ZNF2: variants seen among roughly 807,000 people sequenced by gnomAD.
ZNF2 encodes zinc finger protein 2.2.
Under a neutral mutation model 21.9 loss-of-function variants are expected in ZNF2, and 12 were observed. That is an observed-to-expected ratio of 0.55 (90% CI 0.35 to 0.89). The LOEUF (loss-of-function observed/expected upper bound fraction) is 0.89. Ranked by LOEUF, ZNF2 falls within the 40% of genes least tolerant of loss-of-function variation. The probability of loss-of-function intolerance (pLI) is 0.01; values close to 1 mark genes in which losing one functional copy is unlikely to be tolerated. For synonymous variants in ZNF2, 186 were observed against 196.3 expected (o/e 0.95, Z 0.44); for missense variants, 462 against 544.2 (o/e 0.85, Z 1.50).
rs1674723528 is a variant in ZNF2 at position 95,182,792 on chromosome 2, C to T, written c.*686C>T. Reference sequence around the variant, plus strand: ...GTGATGCCAGGTCTTGAAGACAGGTCCACCTTCAAAATCTATTCTCTTTAC... The same window carrying T: ...GTGATGCCAGGTCTTGAAGACAGGTTCACCTTCAAAATCTATTCTCTTTAC... On this transcript the variant is annotated 3_prime_UTR_variant, in exon 5 of 5. Coordinates refer to ENST00000614034, the MANE Select transcript of ZNF2 (RefSeq NM_021088.4). 1 of 152,560 alleles carries T rather than the reference C, an allele frequency of 6.6e-6. No individual in the cohort carries two copies. The highest frequency in any genetic ancestry group is 1.5e-5 in the Non-Finnish European group (1 of 68,026). 9.5% of individuals were successfully genotyped at this position (152,560 alleles called of 1,614,324 possible).
In ZNF2 at chr2:95,181,604, G is replaced by A. The variant is rs1257705602; in HGVS notation, c.776G>A (p.Cys259Tyr). Residue 259 changes from cysteine (C) to tyrosine (Y), a missense_variant, in exon 5 of 5, where the codon TGC becomes TAC. Transcript: ENST00000614034. ...RIHTGEKPFQCNECGKAFFDR... is the reference protein window; with the variant it reads ...RIHTGEKPFQYNECGKAFFDR... Reference sequence around the variant, plus strand: ...CACACTGGAGAGAAACCCTTTCAGTGCAACGAGTGTGGAAAAGCCTTTTTT... The same window carrying A: ...CACACTGGAGAGAAACCCTTTCAGTACAACGAGTGTGGAAAAGCCTTTTTT... 6.2e-7 allele frequency: 1 copy of A among 1,614,232 alleles called. No individual in the cohort carries two copies.
intron 1 of ZNF2, among the ~76,000 whole-genome samples, chr2:95,168,815 C>T (rs72819465): frequency 0.012 from 1,871 of 152,282 alleles, 19 homozygotes; most frequent in Non-Finnish European, 0.021. Flanking sequence ...TGCTTTCTAC[C>T]ATATAACCCT....
intron 1 of ZNF2, among the ~76,000 whole-genome samples, chr2:95,171,028 T>A (rs1674249516): frequency 6.6e-6 from 1 of 152,254 alleles, no homozygotes; most frequent in Non-Finnish European, 1.5e-5. Context: ...AAACATTGCC[T>A]TCCTTGTATT....
chr2:95,174,710 C>A (rs1674384627), intron 1 of ZNF2, among the ~76,000 whole-genome samples: 1 of 152,196 alleles, frequency 6.6e-6, no homozygotes, highest in South Asian at 2.1e-4. Flanking sequence ...CTGTGCATAT[C>A]GCTTTGCTGC....
chr2:95,177,740 G>C (rs1674497495), intron 3 of ZNF2, 131 bp downstream of exon 3: 2 of 1,230,712 alleles, frequency 1.6e-6, no homozygotes, highest in Non-Finnish European at 2.2e-6. Flanking sequence ...AGAGTCGAAA[G>C]ATGTGGCATC....
intron 1 of ZNF2, among the ~76,000 whole-genome samples, chr2:95,174,468 C>G (rs946601826): frequency 2.6e-5 from 4 of 152,304 alleles, no homozygotes; most frequent in African/African-American, 9.6e-5. Flanking sequence ...TGCTCACAGC[C>G]TAGACTTCTA....
rs760298242 is a variant in ZNF2 at position 95,181,301 on chromosome 2, G to A, written c.473G>A (p.Arg158Gln). ...CTCTCCCGGGACAAAGGCTTGCGGCGACGGTCAGCCCTGTCCAGGGAAATT... is the reference window on the plus strand; with the variant it reads ...CTCTCCCGGGACAAAGGCTTGCGGCAACGGTCAGCCCTGTCCAGGGAAATT... ...KSLSRDKGLR[R>Q]RSALSREILT... is the part of the protein sequence containing the mutation. The change falls in exon 5 of 5, where the codon CGA becomes CAA. Residue 158 changes from arginine (R) to glutamine (Q), a missense_variant. By Grantham distance (43) the Arg-to-Gln change is conservative. Transcript: ENST00000614034. The A allele has an allele frequency of 6.2e-6, 10 of 1,614,206 alleles. No homozygotes were observed. Among genetic ancestry groups the A allele is most frequent in the Middle Eastern group, 1.6e-4 (1 of 6,062 alleles).
chr2:95,177,530 G>A lies in ZNF2; in HGVS notation c.81G>A (p.Glu27=), dbSNP rs1219493406. ...TTGCCGTGGTTTTCACAGATGAAGA[G>A]TGGAGTCGTCTGGTCCCCATACAGA... ...EDVAVVFTDE[E]WSRLVPIQRD... The change falls in exon 3 of 5, where the codon GAG becomes GAA. Residue 27 remains glutamate (E), a synonymous_variant. Coordinates refer to ENST00000614034, the MANE Select transcript of ZNF2 (RefSeq NM_021088.4). 26 of 1,614,056 alleles carry A rather than the reference G, an allele frequency of 1.6e-5. No homozygotes were observed. The highest frequency in any genetic ancestry group is 2.2e-5 in the Non-Finnish European group (26 of 1,180,030).
At chr2:95,171,030 C>T (rs1429922044) in intron 1 of ZNF2, among the ~76,000 whole-genome samples, 1 of 152,190 alleles carries the variant, frequency 6.6e-6, no homozygotes. Flanking sequence ...ACATTGCCTT[C>T]CTTGTATTAC....
Position 95,181,162 on chromosome 2 carries a change from A to C in ZNF2, c.334A>C (p.Arg112=). 1 of 1,614,228 alleles carries C rather than the reference A, an allele frequency of 6.2e-7. No individual in the cohort carries two copies. The highest frequency in any genetic ancestry group is 8.5e-7 in the Non-Finnish European group (1 of 1,180,032). ...ASDKKSEGSL[R]ECLGRQSPLC... The stretch of plus-strand genomic sequence containing the variant: ...AGACAAAAAATCAGAAGGATCATTG[A>C]GGGAATGCCTTGGAAGGCAAAGTCC... The change falls in exon 5 of 5, where the codon AGG becomes CGG. Residue 112 remains arginine, a synonymous_variant. Coordinates refer to ENST00000614034, the MANE Select transcript of ZNF2 (RefSeq NM_021088.4).
chr2:95,178,848 C>A (rs1350514559), intron 3 of ZNF2, among the ~76,000 whole-genome samples: 1 of 152,044 alleles, frequency 6.6e-6, no homozygotes, highest in Non-Finnish European at 1.5e-5. Flanking sequence ...ATTATGTTAT[C>A]CATACAATGT....
chr2:95,168,299 C>T (rs1175314777), intron 1 of ZNF2, among the ~76,000 whole-genome samples: 4 of 152,092 alleles, frequency 2.6e-5, no homozygotes, highest in African/African-American at 9.7e-5. Context: ...GTGGCCCGCG[C>T]CTGTAGTCCC....
rs1573407515 is a variant in ZNF2, at chr2:95,183,039, A to G, written c.*933A>G. The G allele has an allele frequency of 6.6e-6, 1 of 152,222 alleles. No homozygotes were observed. The highest frequency in any genetic ancestry group is 2.4e-5 in the African/African-American group (1 of 41,458). The allele number at this position is 152,222 out of a possible 1,614,324, so 9.4% of individuals were successfully genotyped here. Reference sequence around the variant, plus strand: ...GGATTTGCATACTTTCTCTGAATTCACAGCCCAGCCTATACTTTTATCATC... The same window carrying G: ...GGATTTGCATACTTTCTCTGAATTCGCAGCCCAGCCTATACTTTTATCATC... On this transcript the variant is annotated 3_prime_UTR_variant, in exon 5 of 5. Transcript: ENST00000614034.
intron 3 of ZNF2, 131 bp downstream of exon 3, chr2:95,177,740 G>T: frequency 8.1e-7 from 1 of 1,230,712 alleles, no homozygotes; most frequent in Non-Finnish European, 1.1e-6. Context: ...AGAGTCGAAA[G>T]ATGTGGCATC....
At chr2:95,172,691 C>T (rs1674319052) in intron 1 of ZNF2, among the ~76,000 whole-genome samples, 1 of 149,218 alleles carries the variant, frequency 6.7e-6, no homozygotes, top group Non-Finnish European at 1.5e-5. Flanking sequence ...GGCTGGAGTG[C>T]AGTGGCGTGA....
Position 95,181,543 on chromosome 2 carries a change from T to C in ZNF2, c.715T>C (p.Phe239Leu). ...YECSVCSKAF[F>L]DRSSLTVHQR... ...GTGCAGTGTGTGCTCAAAAGCCTTC[T>C]TTGACCGTTCGTCCCTAACTGTCCA... Residue 239 changes from phenylalanine (F) to leucine (L), a missense_variant, in exon 5 of 5, where the codon TTT (phenylalanine) becomes CTT (leucine). Physicochemically the swap from Phe to Leu is conservative, Grantham distance 22. Transcript: ENST00000614034. 6.2e-7 allele frequency: 1 copy of C among 1,614,186 alleles called. No individual in the cohort carries two copies. The highest frequency in any genetic ancestry group is 8.5e-7 in the Non-Finnish European group (1 of 1,180,040).
At chr2:95,166,163 C>T (rs1182845364) in intron 1 of ZNF2, among the ~76,000 whole-genome samples, 10 of 151,308 alleles carry the variant, frequency 6.6e-5, no homozygotes, top group South Asian at 2.1e-4. Context: ...GCTTAATGAA[C>T]GTGGGTGGAA....
At position 95,182,536 on chromosome 2, in the gene ZNF2, G is replaced by C; in HGVS notation, c.*430G>C. On this transcript the variant is annotated 3_prime_UTR_variant, in exon 5 of 5. Transcript: ENST00000614034. ...TGGAGCATTTTGGGGCACTAATCTT[G>C]TTCTCTTGTGTCCCAGCTTTTAGAC... The C allele has an allele frequency of 6.2e-6, 1 of 161,362 alleles. No individual in the cohort carries two copies. Among genetic ancestry groups the C allele is most frequent in the Middle Eastern group, 3.0e-3 (1 of 332 alleles). 10.0% of individuals were successfully genotyped at this position (161,362 alleles called of 1,614,324 possible). A position where few individuals can be genotyped will look rare whatever the true frequency, so the allele number is the denominator to read the frequency against.
At chr2:95,170,450 C>G (rs1413271427) in intron 1 of ZNF2, among the ~76,000 whole-genome samples, 1 of 152,124 alleles carries the variant, frequency 6.6e-6, no homozygotes, top group Non-Finnish European at 1.5e-5. Flanking sequence ...CAGTGTGAAC[C>G]CATTGTTAAA....
Sources: gnomAD v4.1 joint callset for allele counts (sites outside exome capture counted in the v4.1 genomes callset) on GRCh38, gnomAD v4.1.1 for gene constraint, MANE v1.5 for transcripts, NCBI Gene and HGNC (gene_info 2026-07-23, HGNC 2026-07-21) for gene names.